The following WIPI2 variants were observed in gnomAD, a reference collection of about 807,000 sequenced individuals.
WIPI2 encodes WD repeat domain phosphoinositide-interacting protein 2.
A neutral mutation model predicts 52.3 loss-of-function variants in WIPI2; 28 were observed. The observed-to-expected ratio is 0.54, with a 90% CI of 0.40 to 0.73. The LOEUF is 0.73. Among genes scored for constraint, WIPI2 ranks in the 30% least tolerant of loss-of-function variants. The probability of loss-of-function intolerance (pLI) is 0.00; values close to 1 mark genes in which losing one functional copy is unlikely to be tolerated. For missense variants in WIPI2, 506 were observed against 602.9 expected, an observed-to-expected ratio of 0.84 and a Z score of 1.68; for synonymous variants, 268 against 245.0, an observed-to-expected ratio of 1.09 and a Z score of -0.88.
chr7:5,223,975 G>A (rs1180708351), intron 8 of WIPI2, among the ~76,000 whole-genome samples: 6 of 152,224 alleles, frequency 3.9e-5, no homozygotes, highest in African/African-American at 1.2e-4. Flanking sequence ...CTGTCAGGCC[G>A]TTCTTCAGAC....
intron 3 of WIPI2, among the ~76,000 whole-genome samples, chr7:5,210,993 G>A (rs777874783): frequency 5.3e-5 from 8 of 152,146 alleles, no homozygotes; most frequent in Non-Finnish European, 8.8e-5. Context: ...AGGGATACTC[G>A]ACGACACTCA....
At chr7:5,214,828 C>G in intron 4 of WIPI2, 124 bp downstream of exon 4, 1 of 1,104,480 alleles carries the variant, frequency 9.1e-7, no homozygotes, top group South Asian at 1.4e-5. Context: ...TTGCCGGGCA[C>G]AGATCCTTGC....
At chr7:5,214,739 G>C in intron 4 of WIPI2, 35 bp downstream of exon 4, 2 of 1,609,412 alleles carry the variant, frequency 1.2e-6, no homozygotes, top group East Asian at 2.2e-5. Context: ...GGGCTTGTCT[G>C]TTGCTCCCTC....
chr7:5,218,031 C>G lies in WIPI2; in HGVS notation c.669+17C>G, dbSNP rs771352128. The stretch of plus-strand genomic sequence containing the variant: ...TCGGAGAAGGTGAGTCTGCTTTTCC[C>G]CGGGGGAGCACTGGTGCCAAGGCGT... On this transcript the variant is annotated intron_variant, in intron 7 of 12. Transcript: ENST00000288828. The G allele has an allele frequency of 1.4e-5, 23 of 1,613,554 alleles. No homozygotes were observed. The highest frequency in any genetic ancestry group is 1.8e-5 in the Non-Finnish European group (21 of 1,179,626).
chr7:5,218,492 A>G (rs1782934599), intron 7 of WIPI2: 1 of 157,884 alleles, frequency 6.3e-6, no homozygotes, highest in Non-Finnish European at 1.4e-5. Context: ...ACATTTGTCT[A>G]AGTTCAAAAA....
Position 5,190,355 on chromosome 7 carries a change from T to C in WIPI2, c.-65T>C. On this transcript the variant is annotated 5_prime_UTR_variant, in exon 1 of 13. Coordinates refer to ENST00000288828, the MANE Select transcript of WIPI2 (RefSeq NM_015610.4). The stretch of plus-strand genomic sequence containing the variant: ...AGCGGGGCCCGGCGCCGACCCTGAG[T>C]GCAGCCTGACCCGCCCTCGCGCGCG... The C allele has an allele frequency of 8.4e-7, 1 of 1,185,708 alleles. No individual in the cohort carries two copies. The highest frequency in any genetic ancestry group is 1.1e-6 in the Non-Finnish European group (1 of 933,566). 73.4% of individuals were successfully genotyped at this position (1,185,708 alleles called of 1,614,324 possible).
chr7:5,219,440 C>G (rs539574501), intron 7 of WIPI2, among the ~76,000 whole-genome samples: 16 of 99,326 alleles, frequency 1.6e-4, no homozygotes, highest in Admixed American at 2.5e-4. Flanking sequence ...AATTTTAAGG[C>G]CCATAAAAAT....
intron 2 of WIPI2, among the ~76,000 whole-genome samples, chr7:5,198,855 T>A (rs1174382201): frequency 9.9e-5 from 15 of 152,240 alleles, no homozygotes; most frequent in Non-Finnish European, 5.9e-5. Context: ...ACACACGTCT[T>A]TTGAAGTGAT....
At chr7:5,225,060 A>G (rs1368216340) in intron 8 of WIPI2, among the ~76,000 whole-genome samples, 2 of 151,936 alleles carry the variant, frequency 1.3e-5, no homozygotes, top group Non-Finnish European at 2.9e-5. Context: ...AATTCACATG[A>G]ATTTAGTGGC....
intron 4 of WIPI2, among the ~76,000 whole-genome samples, 156 bp from the exon 5 acceptor site, chr7:5,216,407 G>A (rs183577276): frequency 1.4e-4 from 21 of 152,286 alleles, no homozygotes; most frequent in Admixed American, 3.3e-4. Flanking sequence ...ACTCCAGCCC[G>A]GGTGACACAG....
intron 3 of WIPI2, among the ~76,000 whole-genome samples, chr7:5,210,471 A>G (rs182606939): frequency 2.0e-4 from 31 of 151,622 alleles, no homozygotes; most frequent in African/African-American, 7.3e-4. Context: ...CTCTTACTCA[A>G]TCTCCTTTGC....
intron 11 of WIPI2, chr7:5,229,320 T>C: frequency 3.8e-6 from 1 of 266,186 alleles, no homozygotes; most frequent in Non-Finnish European, 7.3e-6. Flanking sequence ...CGGGCTAGCC[T>C]GACTTTTTTT....
chr7:5,193,262 T>A (rs1409156849), intron 2 of WIPI2, 91 bp downstream of exon 2: 68 of 1,573,694 alleles, frequency 4.3e-5, no homozygotes, highest in Non-Finnish European at 3.5e-5. Flanking sequence ...GTGAACCAGT[T>A]AATAAGTGGG....
chr7:5,228,110 G>A lies in WIPI2; in HGVS notation c.1020G>A (p.Gln340=). Residue 340 remains glutamine, a synonymous_variant, in exon 11 of 13, where the codon CAG becomes CAA. Coordinates refer to ENST00000288828, the MANE Select transcript of WIPI2 (RefSeq NM_015610.4). ...TGCTCTTTATTCTCCCTAGAATTCA[G>A]AAGATCCCGCGGTTGTTGGTGGGTG... is the stretch of plus-strand genomic sequence containing the variant. ...HKNICSLATI[Q]KIPRLLVGAA... is the part of the protein sequence containing the mutation. The A allele has an allele frequency of 1.2e-6, 2 of 1,613,958 alleles. No homozygotes were observed. Among genetic ancestry groups the A allele is most frequent in the Non-Finnish European group, 1.7e-6 (2 of 1,180,008 alleles).
At chr7:5,201,805 A>T (rs1399396224) in intron 3 of WIPI2, among the ~76,000 whole-genome samples, 1 of 152,202 alleles carries the variant, frequency 6.6e-6, no homozygotes, top group Non-Finnish European at 1.5e-5. Flanking sequence ...TGGGTGCATG[A>T]ATGTCTGTGT....
intron 7 of WIPI2, among the ~76,000 whole-genome samples, chr7:5,221,420 A>G (rs905820066): frequency 1.3e-5 from 2 of 152,164 alleles, no homozygotes; most frequent in African/African-American, 2.4e-5. Flanking sequence ...TGAACCTCCT[A>G]AAATTTGTAT....
intron 11 of WIPI2, 127 bp from the exon 12 acceptor site, chr7:5,229,481 G>A: frequency 8.4e-7 from 1 of 1,184,414 alleles, no homozygotes; most frequent in Non-Finnish European, 1.2e-6. Context: ...GCCACGGCGT[G>A]ATGAATGCCT....
In WIPI2 at chr7:5,190,388, C is replaced by T. The variant is rs2115181671; in HGVS notation, c.-32C>T. The T allele has an allele frequency of 7.5e-7, 1 of 1,341,652 alleles. No homozygotes were observed. The highest frequency in any genetic ancestry group is 2.0e-5 in the South Asian group (1 of 50,510). 83.1% of individuals were successfully genotyped at this position (1,341,652 alleles called of 1,614,324 possible). On this transcript the variant is annotated 5_prime_UTR_variant, in exon 1 of 13. Coordinates refer to ENST00000288828, the MANE Select transcript of WIPI2 (RefSeq NM_015610.4). ...GACCCGCCCTCGCGCGCGCGCCCTC[C>T]CCGGCCGGGCCCACTCGCCGCGCGC...
intron 3 of WIPI2, among the ~76,000 whole-genome samples, chr7:5,200,701 C>G (rs1418389753): frequency 6.6e-6 from 1 of 152,144 alleles, no homozygotes; most frequent in African/African-American, 2.4e-5. Flanking sequence ...ATGGTGTTCT[C>G]CTGGCCCGCC....
Sources: allele counts gnomAD v4.1 joint callset (sites outside exome capture counted in the v4.1 genomes callset), GRCh38; gene constraint gnomAD v4.1.1; transcripts MANE v1.5; gene names NCBI Gene and HGNC (gene_info 2026-07-23, HGNC 2026-07-21).